LPP: variants seen among roughly 807,000 people sequenced by gnomAD.
LPP encodes lipoma-preferred partner.
Under a neutral mutation model 60.4 loss-of-function variants are expected in LPP, and 38 were observed. The ratio of observed to expected loss-of-function variants is 0.63; its 90% CI spans 0.49 to 0.83. LPP has a LOEUF of 0.83. Among genes scored for constraint, LPP ranks in the 40% least tolerant of loss-of-function variants. The pLI is 0.00. For synonymous variants in LPP, 328 were observed against 290.8 expected (o/e 1.13, Z -1.30); for missense variants, 902 against 783.6 (o/e 1.15, Z -1.80).
chr3:188,312,620 A>G (rs1486096173), intron 2 of LPP, among the ~76,000 whole-genome samples: 2 of 152,098 alleles, frequency 1.3e-5, no homozygotes, highest in Non-Finnish European at 2.9e-5. Flanking sequence ...TTGAAATTTT[A>G]TTTTGGTAAA....
At chr3:188,462,317 C>A (rs1799149413) in intron 4 of LPP, among the ~76,000 whole-genome samples, 1 of 151,080 alleles carries the variant, frequency 6.6e-6, no homozygotes, top group Non-Finnish European at 1.5e-5. Context: ...TGAAGTGAAG[C>A]TAATTAGTGT....
intron 9 of LPP, among the ~76,000 whole-genome samples, chr3:188,835,560 A>G (rs1758250522): frequency 1.3e-5 from 2 of 152,230 alleles, no homozygotes. Flanking sequence ...TGGAGGTTAC[A>G]GTGAGCCAAA....
At chr3:188,813,193 T>G (rs112924763) in intron 9 of LPP, among the ~76,000 whole-genome samples, 3 of 152,208 alleles carry the variant, frequency 2.0e-5, no homozygotes, top group African/African-American at 7.2e-5. Context: ...GTACTCCATG[T>G]ATATTTTTAT....
chr3:188,234,838 G>C (rs1172931191), intron 2 of LPP, among the ~76,000 whole-genome samples: 4 of 152,148 alleles, frequency 2.6e-5, no homozygotes, highest in African/African-American at 9.7e-5. Context: ...TGTCAAAGAT[G>C]GCAGTTCAAG....
At chr3:188,565,857 C>G (rs1337821517) in intron 6 of LPP, among the ~76,000 whole-genome samples, 1 of 151,920 alleles carries the variant, frequency 6.6e-6, no homozygotes, top group Non-Finnish European at 1.5e-5. Context: ...AGTTTCTTAG[C>G]TCACAGATTT....
At chr3:188,523,274 C>T (rs1438123413) in intron 5 of LPP, among the ~76,000 whole-genome samples, 4 of 152,080 alleles carry the variant, frequency 2.6e-5, no homozygotes. Flanking sequence ...GGTTTGGCTC[C>T]AAGGACCTGG....
At chr3:188,333,526 T>G (rs927034407) in intron 2 of LPP, among the ~76,000 whole-genome samples, 1 of 152,180 alleles carries the variant, frequency 6.6e-6, no homozygotes, top group African/African-American at 2.4e-5. Context: ...ATTATAAATA[T>G]TAAACTAAGC....
At chr3:188,196,790 C>T (rs1208145471) in intron 1 of LPP, among the ~76,000 whole-genome samples, 2 of 152,208 alleles carry the variant, frequency 1.3e-5, no homozygotes, top group Non-Finnish European at 2.9e-5. Flanking sequence ...TCTCACTAAT[C>T]TCCAAGATGA....
At chr3:188,167,589 T>G (rs1720379279) in intron 1 of LPP, among the ~76,000 whole-genome samples, 1 of 101,344 alleles carries the variant, frequency 9.9e-6, no homozygotes. Flanking sequence ...GTGTGTGTGT[T>G]GTTTTTTTTT....
chr3:188,189,843 G>A (rs1056203082), intron 1 of LPP, among the ~76,000 whole-genome samples: 7 of 151,970 alleles, frequency 4.6e-5, no homozygotes, highest in Non-Finnish European at 1.0e-4. Flanking sequence ...GCTGACACTC[G>A]GAGGTGGGGA....
chr3:188,153,331 T>C (rs553089702), upstream of LPP: 14 of 152,152 alleles, frequency 9.2e-5, no homozygotes, highest in Non-Finnish European at 2.1e-4. Flanking sequence ...AGCGGACGGG[T>C]TGGAAGTTGG....
chr3:188,522,510 T>A (rs1333700542), intron 5 of LPP, among the ~76,000 whole-genome samples: 1 of 152,160 alleles, frequency 6.6e-6, no homozygotes, highest in Non-Finnish European at 1.5e-5. Flanking sequence ...ACTGATTTAT[T>A]TATTCAAAAA....
At chr3:188,202,929 G>A (rs921388858) in intron 1 of LPP, among the ~76,000 whole-genome samples, 5 of 151,858 alleles carry the variant, frequency 3.3e-5, no homozygotes, top group Non-Finnish European at 4.4e-5. Flanking sequence ...GATTTGTCCA[G>A]TGTCACGTGG....
At chr3:188,608,866 A>T (rs1312355159) in intron 6 of LPP, among the ~76,000 whole-genome samples, 1 of 152,056 alleles carries the variant, frequency 6.6e-6, no homozygotes. Flanking sequence ...AATAGTTTTC[A>T]GTATATAATC....
chr3:188,240,470 T>C (rs1723927879), intron 2 of LPP, among the ~76,000 whole-genome samples: 2 of 151,976 alleles, frequency 1.3e-5, no homozygotes, highest in East Asian at 1.9e-4. Context: ...GGCACAGAAT[T>C]TCTGAGTTGG....
intron 7 of LPP, among the ~76,000 whole-genome samples, chr3:188,659,283 A>T (rs187923496): frequency 1.3e-5 from 2 of 152,214 alleles, no homozygotes; most frequent in South Asian, 4.1e-4. Context: ...TGATTATCAA[A>T]GTCAGGAGAC....
chr3:188,227,177 T>G (rs1259725435), intron 2 of LPP, among the ~76,000 whole-genome samples: 1 of 151,624 alleles, frequency 6.6e-6, no homozygotes, highest in East Asian at 1.9e-4. Context: ...ATTTTATTTT[T>G]ATTTTTTATT....
At chr3:188,395,928 GATA>G (rs10563877) in intron 3 of LPP, among the ~76,000 whole-genome samples, 150,830 of 151,296 alleles carry the variant, frequency 1, 75,182 homozygotes, top group East Asian at 1. Context: ...TAATAATAAT[GATA>G]ATAATAATAA....
intron 3 of LPP, among the ~76,000 whole-genome samples, chr3:188,392,635 A>C (rs939873357): frequency 6.6e-6 from 1 of 152,200 alleles, no homozygotes; most frequent in Non-Finnish European, 1.5e-5. Context: ...CTTGAATTTT[A>C]ACCAAAAATT....
Sources: gnomAD v4.1 joint callset for allele counts (sites outside exome capture counted in the v4.1 genomes callset) on GRCh38, gnomAD v4.1.1 for gene constraint, MANE v1.5 for transcripts, NCBI Gene and HGNC (gene_info 2026-07-23, HGNC 2026-07-21) for gene names.